PDE4C: variants seen among roughly 807,000 people sequenced by gnomAD.
The protein encoded by PDE4C is 3',5'-cyclic-AMP phosphodiesterase 4C.
In PDE4C, 50 loss-of-function variants were observed where a neutral mutation model predicts 63.9. That is an observed-to-expected ratio of 0.78 (90% CI 0.62 to 0.99). The LOEUF is 0.99. PDE4C is among the 50% of genes least tolerant of loss of function. The probability of loss-of-function intolerance (pLI) is 0.00; values close to 1 mark genes in which losing one functional copy is unlikely to be tolerated. For synonymous variants in PDE4C, 377 were observed against 385.1 expected, an observed-to-expected ratio of 0.98 and a Z score of 0.25; for missense variants, 777 against 899.1, an observed-to-expected ratio of 0.86 and a Z score of 1.74.
At chr19:18,219,627 C>T (rs1002826276) in intron 7 of PDE4C, 1 of 535,526 alleles carries the variant, frequency 1.9e-6, no homozygotes, top group Non-Finnish European at 3.3e-6. Flanking sequence ...AGTTCGAGAC[C>T]AGTCTGAGCA....
chr19:18,248,099 C>A (rs1402676441), intron 1 of PDE4C: 2 of 450,252 alleles, frequency 4.4e-6, no homozygotes, highest in East Asian at 7.0e-5. Context: ...GAGACCCCAG[C>A]ACCTCTCCTG....
chr19:18,213,835 G>A (rs554328810), intron 12 of PDE4C, among the ~76,000 whole-genome samples: 3 of 152,278 alleles, frequency 2.0e-5, no homozygotes, highest in East Asian at 1.9e-4. Flanking sequence ...GGTGGGTGGG[G>A]CGGAAGGCAT....
chr19:18,232,760 A>T (rs1968876044), intron 1 of PDE4C, among the ~76,000 whole-genome samples: 1 of 152,124 alleles, frequency 6.6e-6, no homozygotes, highest in Admixed American at 6.5e-5. Context: ...ACACAGACCC[A>T]CAAGCCATGA....
At chr19:18,228,931 T>G (rs934980853), upstream of PDE4C, among the ~76,000 whole-genome samples, 1 of 151,998 alleles carries the variant, frequency 6.6e-6, no homozygotes, top group Admixed American at 6.6e-5. Context: ...TTATTTTATT[T>G]ACATATTATT....
chr19:18,247,795 C>A (rs1969156895), intron 1 of PDE4C, among the ~76,000 whole-genome samples: 1 of 152,136 alleles, frequency 6.6e-6, no homozygotes, highest in Non-Finnish European at 1.5e-5. Context: ...TGTGGGACAC[C>A]CCCTAGACAG....
chr19:18,210,861 A>G, exon 15 of PDE4C: 1 of 1,513,386 alleles, frequency 6.6e-7, no homozygotes, highest in South Asian at 1.4e-5. Context: ...CTCTTCCTGG[A>G]AAGTCTGCCT....
exon 1 of PDE4C, chr19:18,248,176 C>T (rs1342127459): frequency 2.2e-6 from 1 of 456,310 alleles, no homozygotes; most frequent in Non-Finnish European, 4.4e-6. Flanking sequence ...CTTACCACCA[C>T]TGCGGAGTCC....
chr19:18,221,591 G>A (rs778739290), intron 2 of PDE4C, among the ~76,000 whole-genome samples: 8 of 151,074 alleles, frequency 5.3e-5, no homozygotes, highest in Non-Finnish European at 1.2e-4. Context: ...TTCATTTGCT[G>A]CTAATTGGCC....
upstream of PDE4C, among the ~76,000 whole-genome samples, chr19:18,237,826 T>C (rs1243839855): frequency 1.5e-5 from 2 of 133,582 alleles, no homozygotes; most frequent in Admixed American, 8.6e-5. Context: ...TGAGCTGAGA[T>C]CGGGCCACTG....
intron 12 of PDE4C, among the ~76,000 whole-genome samples, chr19:18,215,410 A>C (rs1476943507): frequency 6.6e-6 from 1 of 152,032 alleles, no homozygotes; most frequent in Non-Finnish European, 1.5e-5. Context: ...TCAAGCACAC[A>C]ATAGGTGCTC....
intron 1 of PDE4C, chr19:18,232,835 C>T (rs912147430): frequency 1.6e-6 from 2 of 1,239,622 alleles, no homozygotes; most frequent in Non-Finnish European, 2.1e-6. Flanking sequence ...GCGCCAGCCT[C>T]AACCAAGCAG....
At chr19:18,215,765 G>A (rs935238127) in intron 12 of PDE4C, among the ~76,000 whole-genome samples, 2 of 151,416 alleles carry the variant, frequency 1.3e-5, no homozygotes, top group Non-Finnish European at 2.9e-5. Context: ...CGCCTGCCTC[G>A]GCCTCCCAAA....
intron 13 of PDE4C, among the ~76,000 whole-genome samples, chr19:18,212,457 G>A (rs917555003): frequency 1.4e-5 from 2 of 147,332 alleles, no homozygotes; most frequent in Admixed American, 1.4e-4. Flanking sequence ...TTACAGGTGT[G>A]AGCCACTGAG....
At chr19:18,212,169 A>C (rs537872844) in intron 13 of PDE4C, among the ~76,000 whole-genome samples, 2 of 143,274 alleles carry the variant, frequency 1.4e-5, no homozygotes, top group Non-Finnish European at 3.1e-5. Flanking sequence ...AATTGCAAAA[A>C]TGGAGGCCCT....
chr19:18,238,161 G>A (rs1252837422), upstream of PDE4C, among the ~76,000 whole-genome samples: 1 of 152,006 alleles, frequency 6.6e-6, no homozygotes, highest in Non-Finnish European at 1.5e-5. Flanking sequence ...GAAGGTCAAG[G>A]CTGTAGTGAG....
chr19:18,244,033 A>T (rs949718026), intron 1 of PDE4C, among the ~76,000 whole-genome samples: 8 of 149,512 alleles, frequency 5.4e-5, no homozygotes, highest in Non-Finnish European at 1.0e-4. Context: ...CTTTTTTTTT[A>T]TTTTTTATTT....
exon 1 of PDE4C, chr19:18,233,069 G>A: frequency 6.4e-7 from 1 of 1,570,604 alleles, no homozygotes; most frequent in Non-Finnish European, 8.6e-7. Context: ...GCTGTTGGAT[G>A]CGGATGGGGC....
rs574104395 is a variant in PDE4C at position 18,244,573 on chromosome 19, C to T, written c.-210+3598G>A. 5.9e-5 allele frequency among the ~76,000 whole-genome samples: 9 copies of T among 152,234 alleles called. No homozygotes were observed. In the South Asian group the frequency reaches 1.5e-3, roughly 25 times the overall value. On this transcript the variant is annotated intron_variant, in intron 1 of 15. Transcript: ENST00000594617. ...TGTCACCCAGGCTGGAGTGCAATGA[C>T]GCGATCTTGGCTCACCGCAACCTCC...
At chr19:18,248,304 G>A (rs1460436580), upstream of PDE4C, 17 of 444,050 alleles carry the variant, frequency 3.8e-5, no homozygotes, top group South Asian at 2.5e-4. Flanking sequence ...AACTGTCTGG[G>A]CACCAGGCCA....
Sources: allele counts gnomAD v4.1 joint callset (sites outside exome capture counted in the v4.1 genomes callset), GRCh38; gene constraint gnomAD v4.1.1; transcripts MANE v1.5; gene names NCBI Gene and HGNC (gene_info 2026-07-23, HGNC 2026-07-21).